The following DAB1 variants were observed in gnomAD, a reference collection of about 807,000 sequenced individuals.
The protein encoded by DAB1 is disabled homolog 1.
DAB1 carries 15 observed loss-of-function variants against 64.6 expected under a neutral mutation model. That is an observed-to-expected ratio of 0.23 (90% CI 0.16 to 0.36). The LOEUF (loss-of-function observed/expected upper bound fraction) is 0.36. Among genes scored for constraint, DAB1 ranks in the 10% least tolerant of loss-of-function variants. The pLI is 1.00. For synonymous variants in DAB1, 235 were observed against 251.9 expected (o/e 0.93, Z 0.64); for missense variants, 596 against 706.7 (o/e 0.84, Z 1.78).
chr1:58,399,042 C>G (rs76721890), intron 3 of DAB1, among the ~76,000 whole-genome samples: 186 of 152,274 alleles, frequency 1.2e-3, no homozygotes, highest in African/African-American at 4.2e-3. Flanking sequence ...CAAGTAGGTG[C>G]CAGAAATTGG....
intron 6 of DAB1, among the ~76,000 whole-genome samples, chr1:57,711,520 C>T (rs1647029485): frequency 1.3e-5 from 2 of 152,172 alleles, no homozygotes; most frequent in South Asian, 4.1e-4. Context: ...CAGCTGTCTG[C>T]CTGTACTCAC....
At chr1:57,482,795 G>A (rs745806555) in intron 7 of DAB1, among the ~76,000 whole-genome samples, 28 of 152,224 alleles carry the variant, frequency 1.8e-4, no homozygotes, top group African/African-American at 5.8e-4. Context: ...TAAGCATGGT[G>A]GATTTTATTA....
At chr1:57,128,046 C>A (rs935973020) in intron 4 of DAB1, among the ~76,000 whole-genome samples, 3 of 151,910 alleles carry the variant, frequency 2.0e-5, no homozygotes, top group Admixed American at 1.3e-4. Flanking sequence ...GCACAGGAGG[C>A]TGAGGCATGA....
intron 5 of DAB1, among the ~76,000 whole-genome samples, chr1:57,972,538 C>A (rs1238341329): frequency 6.6e-6 from 1 of 152,152 alleles, no homozygotes; most frequent in Admixed American, 6.6e-5. Flanking sequence ...TCGCCACACA[C>A]CTGGCCAATT....
At chr1:57,640,164 T>C (rs1314511016) in intron 7 of DAB1, among the ~76,000 whole-genome samples, 2 of 152,120 alleles carry the variant, frequency 1.3e-5, no homozygotes, top group African/African-American at 4.8e-5. Context: ...TAATGTGAGT[T>C]CCTCATCACT....
intron 7 of DAB1, among the ~76,000 whole-genome samples, chr1:57,528,594 A>C (rs1250009123): frequency 7.9e-5 from 12 of 151,684 alleles, no homozygotes; most frequent in Non-Finnish European, 1.6e-4. Context: ...ATCATAGCTA[A>C]ATTCCTAAAA....
At position 57,354,205 on chromosome 1, in the gene DAB1, AG is replaced by A. The variant is rs1678869715; in HGVS notation, c.-136-63040del. 2.0e-5 allele frequency among the ~76,000 whole-genome samples: 3 copies of A among 152,106 alleles called. No homozygotes were observed. The South Asian group carries it at 6.2e-4, about 32-fold the overall frequency. On this transcript the variant is annotated intron_variant, in intron 1 of 14. Coordinates refer to ENST00000371236, the MANE Select transcript of DAB1 (RefSeq NM_001365792.1). ...TCACTGAAACATTACATACAGACTCAGGGTCCTAGAATCAAATTAAAAAATA... is the reference window on the plus strand; with the variant it reads ...TCACTGAAACATTACATACAGACTCAGGTCCTAGAATCAAATTAAAAAATA...
intron 4 of DAB1, among the ~76,000 whole-genome samples, chr1:58,337,197 A>G (rs780623077): frequency 3.3e-5 from 5 of 151,874 alleles, no homozygotes; most frequent in Non-Finnish European, 7.4e-5. Context: ...CAATAGAATC[A>G]CTTGAACCCA....
chr1:58,472,931 C>T (rs1645376447), intron 3 of DAB1, among the ~76,000 whole-genome samples: 1 of 152,118 alleles, frequency 6.6e-6, no homozygotes, highest in South Asian at 2.1e-4. Context: ...CAGCAGTGGC[C>T]ACTCACCATG....
chr1:57,175,550 C>T (rs1028376464), intron 2 of DAB1, among the ~76,000 whole-genome samples: 4 of 152,062 alleles, frequency 2.6e-5, no homozygotes, highest in African/African-American at 9.7e-5. Flanking sequence ...TATATAACCA[C>T]AAAAAATTAC....
intron 3 of DAB1, among the ~76,000 whole-genome samples, chr1:58,486,185 G>A (rs1406255872): frequency 2.0e-5 from 3 of 152,166 alleles, no homozygotes; most frequent in Non-Finnish European, 4.4e-5. Flanking sequence ...AAGAGAGGGG[G>A]ACAAGGCAAA....
At chr1:57,424,426 G>C (rs1278896038), upstream of DAB1, among the ~76,000 whole-genome samples, 3 of 151,876 alleles carry the variant, frequency 2.0e-5, no homozygotes, top group African/African-American at 7.2e-5. Context: ...AGCGTGGAAG[G>C]GGGAGAGACG....
chr1:58,135,117 G>C (rs1223226935), intron 5 of DAB1, among the ~76,000 whole-genome samples: 1 of 152,134 alleles, frequency 6.6e-6, no homozygotes, highest in Non-Finnish European at 1.5e-5. Context: ...TCTTCCTGAA[G>C]GGGCTGTTGT....
chr1:57,564,376 C>A (rs537857717), intron 7 of DAB1, among the ~76,000 whole-genome samples: 1 of 152,082 alleles, frequency 6.6e-6, no homozygotes, highest in African/African-American at 2.4e-5. Flanking sequence ...AAAATCAGAG[C>A]GCCTCTCCCC....
chr1:58,318,775 C>T (rs978531062), intron 4 of DAB1, among the ~76,000 whole-genome samples: 4 of 152,164 alleles, frequency 2.6e-5, no homozygotes, highest in Non-Finnish European at 5.9e-5. Flanking sequence ...TTACTCACCT[C>T]GAAATTTAAA....
chr1:57,319,231 A>G (rs528643023), intron 1 of DAB1, among the ~76,000 whole-genome samples: 3 of 152,224 alleles, frequency 2.0e-5, no homozygotes, highest in East Asian at 3.9e-4. Context: ...GAAGCGGGGA[A>G]CCATTGAGAT....
At chr1:57,444,892 A>T (rs1299865062) in intron 7 of DAB1, among the ~76,000 whole-genome samples, 1 of 152,214 alleles carries the variant, frequency 6.6e-6, no homozygotes, top group African/African-American at 2.4e-5. Context: ...TTATTACAGC[A>T]GCCCTAGGAA....
intron 6 of DAB1, among the ~76,000 whole-genome samples, chr1:57,681,566 G>A (rs1348156952): frequency 6.6e-6 from 1 of 152,066 alleles, no homozygotes; most frequent in East Asian, 1.9e-4. Flanking sequence ...CTTCCATTTG[G>A]TACTTCTCTC....
At chr1:57,178,871 A>AG in intron 2 of DAB1, among the ~76,000 whole-genome samples, 1 of 152,106 alleles carries the variant, frequency 6.6e-6, no homozygotes, top group Middle Eastern at 3.4e-3. Context: ...TTAAAAAAAA[A>AG]GGATAGCAAT....
Sources: allele counts gnomAD v4.1 joint callset (sites outside exome capture counted in the v4.1 genomes callset), GRCh38; gene constraint gnomAD v4.1.1; transcripts MANE v1.5; gene names NCBI Gene and HGNC (gene_info 2026-07-23, HGNC 2026-07-21).